Variants in PHACTR1 observed in about 807,000 individuals in gnomAD.
PHACTR1 encodes RPEL repeat containing 1.
In PHACTR1, 16 loss-of-function variants were observed where a neutral mutation model predicts 69.2. The observed-to-expected ratio is 0.23, with a 90% CI of 0.16 to 0.35. The LOEUF is 0.35. PHACTR1 is among the 10% of genes least tolerant of loss of function. The pLI, the probability that PHACTR1 is intolerant of heterozygous loss-of-function variation, is 1.00. For missense variants in PHACTR1, 510 were observed against 734.7 expected (o/e 0.69, Z 3.54); for synonymous variants, 312 against 284.5 (o/e 1.10, Z -0.97).
chr6:13,257,079 A>T (rs1365637393), intron 10 of PHACTR1, among the ~76,000 whole-genome samples: 1 of 152,218 alleles, frequency 6.6e-6, no homozygotes, highest in East Asian at 1.9e-4. Context: ...TGCAGGCTGT[A>T]CAAGAAACCT....
chr6:13,146,180 G>A (rs1012261441), intron 5 of PHACTR1, among the ~76,000 whole-genome samples: 1 of 152,140 alleles, frequency 6.6e-6, no homozygotes, highest in Non-Finnish European at 1.5e-5. Flanking sequence ...CAGAGTTGTT[G>A]TAAGACTTAC....
At chr6:12,847,040 C>T (rs565867182) in intron 4 of PHACTR1, among the ~76,000 whole-genome samples, 1 of 152,062 alleles carries the variant, frequency 6.6e-6, no homozygotes, top group Admixed American at 6.6e-5. Flanking sequence ...TGGTCTCAAA[C>T]TCCTGAGCTC....
At chr6:12,735,365 C>G (rs1013283628) in intron 3 of PHACTR1, among the ~76,000 whole-genome samples, 1 of 152,128 alleles carries the variant, frequency 6.6e-6, no homozygotes, top group South Asian at 2.1e-4. Context: ...AGAGACCAAG[C>G]CTAATTCAGT....
At chr6:12,718,564 T>C in intron 2 of PHACTR1, 135 bp from the exon 3 acceptor site, 1 of 355,628 alleles carries the variant, frequency 2.8e-6, no homozygotes, top group South Asian at 1.1e-4. Context: ...GGGGGTGGCT[T>C]TAGAATTGCA....
intron 5 of PHACTR1, among the ~76,000 whole-genome samples, chr6:13,096,309 C>A (rs1207726971): frequency 2.0e-5 from 3 of 152,158 alleles, no homozygotes; most frequent in Non-Finnish European, 2.9e-5. Context: ...CATTCACAAG[C>A]CTCTCTAAAG....
chr6:13,122,789 G>T (rs1163927362), intron 5 of PHACTR1, among the ~76,000 whole-genome samples: 4 of 152,170 alleles, frequency 2.6e-5, no homozygotes, highest in Non-Finnish European at 5.9e-5. Context: ...CACTTATCCA[G>T]TCTAGCCTGA....
chr6:13,249,532 C>T (rs1242786976), intron 10 of PHACTR1, among the ~76,000 whole-genome samples: 1 of 152,164 alleles, frequency 6.6e-6, no homozygotes, highest in Non-Finnish European at 1.5e-5. Context: ...GGCGTGGTGG[C>T]TCATGCCTGT....
rs1230922583 is a variant in PHACTR1 at position 13,194,770 on chromosome 6, AATT to A, written c.665-11038_665-11036del. ...AAAATGTCATCCCATGAATATCTACAATTATTATTTGTCTAGTAAAATTTTTTT... is the reference window on the plus strand; with the variant it reads ...AAAATGTCATCCCATGAATATCTACAATTATTTGTCTAGTAAAATTTTTTT... On this transcript the variant is annotated intron_variant, in intron 7 of 14. Coordinates refer to ENST00000332995, the MANE Select transcript of PHACTR1 (RefSeq NM_030948.6). Among the ~76,000 whole-genome samples the A allele has an allele frequency of 7.9e-5, 12 of 152,276 alleles. 1 individual carries two copies. In the South Asian group the frequency reaches 2.5e-3, roughly 32 times the overall value.
chr6:13,176,630 T>C (rs1338123603), intron 6 of PHACTR1, among the ~76,000 whole-genome samples: 3 of 152,212 alleles, frequency 2.0e-5, no homozygotes, highest in Non-Finnish European at 4.4e-5. Context: ...GTCAGCACTA[T>C]CCATCTGGCT....
At chr6:12,829,482 AG>A (rs1271297575) in intron 4 of PHACTR1, among the ~76,000 whole-genome samples, 1 of 152,176 alleles carries the variant, frequency 6.6e-6, no homozygotes, top group Non-Finnish European at 1.5e-5. Flanking sequence ...TGAGTAGGTG[AG>A]TGATCTGATT....
At chr6:13,239,762 A>G (rs537145822) in intron 10 of PHACTR1, among the ~76,000 whole-genome samples, 1 of 152,146 alleles carries the variant, frequency 6.6e-6, no homozygotes, top group South Asian at 2.1e-4. Context: ...CAAAGACTGA[A>G]CTCTTGACAT....
Position 12,878,504 on chromosome 6 carries a change from T to C in PHACTR1, c.250+128714T>C, listed in dbSNP as rs576054867. On this transcript the variant is annotated intron_variant, in intron 4 of 14. Coordinates refer to ENST00000332995, the MANE Select transcript of PHACTR1 (RefSeq NM_030948.6). Reference sequence around the variant, plus strand: ...TAGAGTCAGAACAAGAAAGTAAGTCTCTTGAAGCCCTTGCCCTTGCTCTCA... The same window carrying C: ...TAGAGTCAGAACAAGAAAGTAAGTCCCTTGAAGCCCTTGCCCTTGCTCTCA... 3.3e-5 allele frequency among the ~76,000 whole-genome samples: 5 copies of C among 152,312 alleles called. No homozygotes were observed. In the South Asian group the frequency reaches 6.2e-4, roughly 19 times the overall value.
chr6:13,280,318 C>G (rs1369419155), intron 12 of PHACTR1: 2 of 152,388 alleles, frequency 1.3e-5, no homozygotes, highest in East Asian at 3.8e-4. Flanking sequence ...TTGCCCTCCC[C>G]TGGGACTGGC....
At chr6:12,872,457 C>T (rs1782129276) in intron 4 of PHACTR1, among the ~76,000 whole-genome samples, 1 of 152,136 alleles carries the variant, frequency 6.6e-6, no homozygotes, top group Non-Finnish European at 1.5e-5. Context: ...GACACACACA[C>T]ACATACATGC....
intron 4 of PHACTR1, among the ~76,000 whole-genome samples, chr6:12,919,882 T>C (rs1488912229): frequency 6.6e-6 from 1 of 152,186 alleles, no homozygotes; most frequent in Non-Finnish European, 1.5e-5. Flanking sequence ...TGGAGTACAA[T>C]GGAAAGAGCA....
intron 5 of PHACTR1, among the ~76,000 whole-genome samples, chr6:13,059,887 C>T (rs978124263): frequency 9.2e-5 from 14 of 151,768 alleles, no homozygotes; most frequent in Admixed American, 4.6e-4. Flanking sequence ...AATTTCAGGT[C>T]GTTTGCATAT....
At chr6:13,149,804 T>C (rs937478511) in intron 5 of PHACTR1, among the ~76,000 whole-genome samples, 3 of 150,436 alleles carry the variant, frequency 2.0e-5, no homozygotes, top group Non-Finnish European at 4.4e-5. Context: ...TAAACTTTCT[T>C]AAAAAGTTAC....
intron 5 of PHACTR1, among the ~76,000 whole-genome samples, chr6:13,082,262 G>T (rs573997847): frequency 3.3e-4 from 50 of 152,150 alleles, no homozygotes; most frequent in Non-Finnish European, 6.5e-4. Context: ...GCTCCAATGG[G>T]TATCACTTTG....
intron 8 of PHACTR1, among the ~76,000 whole-genome samples, chr6:13,211,986 G>T (rs1373403393): frequency 6.6e-6 from 1 of 152,182 alleles, no homozygotes; most frequent in Admixed American, 6.5e-5. Flanking sequence ...GACGCTAGAA[G>T]TCCGAGATCA....
Sources: gnomAD v4.1 joint callset for allele counts (sites outside exome capture counted in the v4.1 genomes callset) on GRCh38, gnomAD v4.1.1 for gene constraint, MANE v1.5 for transcripts, NCBI Gene and HGNC (gene_info 2026-07-23, HGNC 2026-07-21) for gene names.